Variants in CYP2C18 observed in about 807,000 individuals in gnomAD.
CYP2C18 encodes cytochrome P450 2C18.
In CYP2C18, 38 loss-of-function variants were observed where a neutral mutation model predicts 41.3. That is an observed-to-expected ratio of 0.92 (90% CI 0.71 to 1.21). The LOEUF is 1.21. CYP2C18 is among the 50% of genes most tolerant of loss of function. CYP2C18 has a pLI of 0.00. For synonymous variants in CYP2C18, 236 were observed against 210.0 expected (o/e 1.12, Z -1.07); for missense variants, 635 against 591.4 (o/e 1.07, Z -0.77).
chr10:94,730,923 T>C (rs979972728), intron 7 of CYP2C18, among the ~76,000 whole-genome samples: 1 of 152,156 alleles, frequency 6.6e-6, no homozygotes, highest in Non-Finnish European at 1.5e-5. Flanking sequence ...CAATCCCATT[T>C]ACAATAGCCA....
Position 94,714,340 on chromosome 10 carries a change from G to A in CYP2C18, c.820-6056G>A, listed in dbSNP as rs144702384. On this transcript the variant is annotated intron_variant, in intron 5 of 8. Coordinates refer to ENST00000285979, the MANE Select transcript of CYP2C18 (RefSeq NM_000772.3). Reference sequence around the variant, plus strand: ...GACATTTATGTCTTTAATCCATGTTGAATTAATTTTTGTATAAGATGTAAG... The same window carrying A: ...GACATTTATGTCTTTAATCCATGTTAAATTAATTTTTGTATAAGATGTAAG... 6.4e-3 allele frequency among the ~76,000 whole-genome samples: 972 copies of A among 152,274 alleles called. 6 individuals are homozygous for A. The highest frequency in any genetic ancestry group is 0.01 in the South Asian group (50 of 4,828).
Position 94,694,945 on chromosome 10 carries a change from G to T in CYP2C18, c.510G>T (p.Leu170=). ...NASPCDPTFI[L]GCAPCNVICS... ...CACCCTGTGATCCCACTTTCATCCT[G>T]GGCTGTGCTCCCTGCAATGTGATCT... The change falls in exon 4 of 9, where the codon CTG becomes CTT. Residue 170 remains leucine, a synonymous_variant. Coordinates refer to ENST00000285979, the MANE Select transcript of CYP2C18 (RefSeq NM_000772.3). 2 of 1,612,532 alleles carry T rather than the reference G, an allele frequency of 1.2e-6. No individual in the cohort carries two copies. The highest frequency in any genetic ancestry group is 1.3e-5 in the African/African-American group (1 of 74,930).
intron 3 of CYP2C18, among the ~76,000 whole-genome samples, chr10:94,691,890 CT>C (rs1166277431): frequency 6.6e-6 from 1 of 152,168 alleles, no homozygotes; most frequent in Non-Finnish European, 1.5e-5. Context: ...ACTATCTGAT[CT>C]TTGTCAAACC....
chr10:94,694,851 G>A, intron 3 of CYP2C18, 66 bp from the exon 4 acceptor site: 3 of 1,519,396 alleles, frequency 2.0e-6, no homozygotes, highest in Non-Finnish European at 2.7e-6. Flanking sequence ...ACTTTTTCCT[G>A]TATCAAAGAC....
chr10:94,700,324 C>A (rs1236088034), intron 4 of CYP2C18, among the ~76,000 whole-genome samples: 2 of 152,176 alleles, frequency 1.3e-5, no homozygotes, highest in Non-Finnish European at 2.9e-5. Context: ...AATAATGCCA[C>A]ATATCTACAA....
At position 94,735,455 on chromosome 10, in the gene CYP2C18, A is replaced by T; in HGVS notation, c.*11A>T. On this transcript the variant is annotated 3_prime_UTR_variant, in exon 9 of 9. Coordinates refer to ENST00000285979, the MANE Select transcript of CYP2C18 (RefSeq NM_000772.3). ...TTCATTCCTGTCTGAAGAAGGGCAG[A>T]TAGTTTGGCTGCTCCTGTGCTGTCA... 1.2e-6 allele frequency: 2 copies of T among 1,613,042 alleles called. No individual in the cohort carries two copies. The highest frequency in any genetic ancestry group is 1.7e-6 in the Non-Finnish European group (2 of 1,179,234).
intron 4 of CYP2C18, among the ~76,000 whole-genome samples, chr10:94,697,445 C>A (rs1392544442): frequency 6.6e-6 from 1 of 152,142 alleles, no homozygotes; most frequent in African/African-American, 2.4e-5. Context: ...GATTTTGTCA[C>A]CACCACGCCT....
rs556429261 is a variant in CYP2C18, at chr10:94,708,193, G to C, written c.819+1233G>C. Among the ~76,000 whole-genome samples, 187 of 152,280 alleles carry C rather than the reference G, an allele frequency of 1.2e-3. 1 individual carries two copies. In the South Asian group the frequency reaches 0.038, roughly 31 times the overall value. ...TTGCCCATGGAATGTTAGCAGGACT[G>C]CTCGAATAATGTGTTCTAGATGGAG... On this transcript the variant is annotated intron_variant, in intron 5 of 8. Coordinates refer to ENST00000285979, the MANE Select transcript of CYP2C18 (RefSeq NM_000772.3).
At chr10:94,714,156 T>A (rs1428147477) in intron 5 of CYP2C18, among the ~76,000 whole-genome samples, 8 of 152,330 alleles carry the variant, frequency 5.3e-5, no homozygotes, top group South Asian at 4.1e-4. Flanking sequence ...TAGTTTCTTT[T>A]GCTGTGCAGA....
At chr10:94,689,327 T>G (rs1328025803) in intron 3 of CYP2C18, among the ~76,000 whole-genome samples, 1 of 152,120 alleles carries the variant, frequency 6.6e-6, no homozygotes, top group Non-Finnish European at 1.5e-5. Context: ...TCCTTCATCT[T>G]TACTTGTGTA....
At chr10:94,717,527 T>A (rs1464269680) in intron 5 of CYP2C18, among the ~76,000 whole-genome samples, 1 of 152,192 alleles carries the variant, frequency 6.6e-6, no homozygotes, top group Non-Finnish European at 1.5e-5. Flanking sequence ...TCTTCTGGCT[T>A]GTATTGCCCA....
At chr10:94,712,565 C>T (rs1473739520) in intron 5 of CYP2C18, among the ~76,000 whole-genome samples, 1 of 151,748 alleles carries the variant, frequency 6.6e-6, no homozygotes, top group Admixed American at 6.6e-5. Flanking sequence ...GTATATATAC[C>T]ACATTTTCTT....
intron 7 of CYP2C18, among the ~76,000 whole-genome samples, chr10:94,728,172 A>G (rs559754650): frequency 1.3e-5 from 2 of 152,218 alleles, no homozygotes; most frequent in South Asian, 2.1e-4. Flanking sequence ...GACAGTTTTT[A>G]AAAGTCCTGT....
intron 5 of CYP2C18, among the ~76,000 whole-genome samples, chr10:94,715,744 T>C (rs1316695420): frequency 2.6e-5 from 4 of 152,214 alleles, no homozygotes; most frequent in African/African-American, 4.8e-5. Flanking sequence ...TTGGAATAGT[T>C]TCAGAAGGAA....
At chr10:94,684,026 GTATT>G in intron 1 of CYP2C18, 39 bp downstream of exon 1, 1 of 1,414,868 alleles carries the variant, frequency 7.1e-7, no homozygotes, top group Non-Finnish European at 9.6e-7. Context: ...TGTACAAGGT[GTATT>G]TAACCTCACA....
intron 5 of CYP2C18, among the ~76,000 whole-genome samples, chr10:94,710,750 T>C (rs1367526500): frequency 6.6e-6 from 1 of 152,200 alleles, no homozygotes; most frequent in Middle Eastern, 3.2e-3. Context: ...ATGGGCATGA[T>C]GACCTTTGTC....
At chr10:94,690,820 T>C (rs898894956) in intron 3 of CYP2C18, among the ~76,000 whole-genome samples, 1 of 152,150 alleles carries the variant, frequency 6.6e-6, no homozygotes, top group African/African-American at 2.4e-5. Flanking sequence ...AAAAAGCTTA[T>C]CCACCATAAT....
At chr10:94,706,748 T>G in intron 4 of CYP2C18, 36 bp from the exon 5 acceptor site, 9 of 1,188,910 alleles carry the variant, frequency 7.6e-6, no homozygotes, top group Non-Finnish European at 1.1e-5. Context: ...CTTCAATACA[T>G]GTGTTTAATT....
At chr10:94,722,818 A>T (rs1249320470) in intron 6 of CYP2C18, among the ~76,000 whole-genome samples, 1 of 152,042 alleles carries the variant, frequency 6.6e-6, no homozygotes, top group African/African-American at 2.4e-5. Flanking sequence ...GTCCACTTGA[A>T]TTCTAAGGCC....
Sources: gnomAD v4.1 joint callset for allele counts (sites outside exome capture counted in the v4.1 genomes callset) on GRCh38, gnomAD v4.1.1 for gene constraint, MANE v1.5 for transcripts, NCBI Gene and HGNC (gene_info 2026-07-23, HGNC 2026-07-21) for gene names.